The following SNX7 variants were observed in gnomAD, a reference collection of about 807,000 sequenced individuals.
The protein encoded by SNX7 is sorting nexin 7.
A neutral mutation model predicts 48.4 loss-of-function variants in SNX7; 35 were observed. That is an observed-to-expected ratio of 0.72 (90% CI 0.55 to 0.96). The LOEUF is 0.96. Ranked by LOEUF, SNX7 falls within the 40% of genes least tolerant of loss-of-function variation. The probability of loss-of-function intolerance (pLI) is 0.00; values close to 1 mark genes in which losing one functional copy is unlikely to be tolerated. For synonymous variants in SNX7, 190 were observed against 190.2 expected (o/e 1.00, Z 0.01); for missense variants, 553 against 548.9 (o/e 1.01, Z -0.07).
upstream of SNX7, chr1:98,661,680 G>T: frequency 8.4e-7 from 1 of 1,192,784 alleles, no homozygotes; most frequent in Non-Finnish European, 1.0e-6. Context: ...GCACGCTCGG[G>T]GGAGCCGGGC....
chr1:98,674,992 AT>A (rs1650081120), intron 1 of SNX7, among the ~76,000 whole-genome samples: 1 of 152,210 alleles, frequency 6.6e-6, no homozygotes, highest in South Asian at 2.1e-4. Context: ...TTATTATGCT[AT>A]AATCTGTTGA....
intron 1 of SNX7, among the ~76,000 whole-genome samples, chr1:98,678,203 G>C (rs1650281742): frequency 6.6e-6 from 1 of 152,190 alleles, no homozygotes; most frequent in Admixed American, 6.5e-5. Context: ...CGGCCAGCAT[G>C]TCATGTGGCC....
At chr1:98,724,337 AT>A (rs1481330515) in intron 7 of SNX7, among the ~76,000 whole-genome samples, 1 of 151,990 alleles carries the variant, frequency 6.6e-6, no homozygotes, top group Admixed American at 6.6e-5. Context: ...ACATTTCTGA[AT>A]AAGAATGATT....
intron 6 of SNX7, among the ~76,000 whole-genome samples, chr1:98,699,987 C>A (rs1427793130): frequency 6.6e-6 from 1 of 152,134 alleles, no homozygotes; most frequent in African/African-American, 2.4e-5. Context: ...TTGGGGTCAC[C>A]CCCTTGTGTC....
At chr1:98,725,367 G>A (rs960005036) in intron 7 of SNX7, among the ~76,000 whole-genome samples, 1 of 152,104 alleles carries the variant, frequency 6.6e-6, no homozygotes, top group African/African-American at 2.4e-5. Flanking sequence ...TATCCGGATT[G>A]GAAGGACTTT....
At chr1:98,680,873 T>G (rs1379822222) in intron 1 of SNX7, among the ~76,000 whole-genome samples, 1 of 152,224 alleles carries the variant, frequency 6.6e-6, no homozygotes, top group African/African-American at 2.4e-5. Flanking sequence ...CATTTTCCTG[T>G]CTTCATCTGA....
intron 8 of SNX7, among the ~76,000 whole-genome samples, chr1:98,756,035 G>T (rs987967589): frequency 1.4e-5 from 1 of 70,370 alleles, no homozygotes; most frequent in African/African-American, 3.6e-5. Flanking sequence ...AATTTTACAT[G>T]ATTTCATTTT....
rs1451549402 is a variant in SNX7, at chr1:98,691,121, G to A, written c.410G>A (p.Arg137Gln). 3.7e-6 allele frequency: 6 copies of A among 1,608,846 alleles called. No individual in the cohort carries two copies. The highest frequency in any genetic ancestry group is 4.2e-6 in the Non-Finnish European group (5 of 1,177,152). ...TCCAGTGAATTTGAAGTTAGGAGAC[G>A]ATATCAAGATTTCCTTTGGTTGAAG... The part of the protein sequence containing the change: ...FDSSEFEVRR[R>Q]YQDFLWLKGK... The change falls in exon 3 of 9, where the codon CGA becomes CAA. Residue 137 changes from arginine (R) to glutamine (Q), a missense_variant. Transcript: ENST00000306121.
At position 98,685,021 on chromosome 1, in the gene SNX7, A is replaced by T. The variant is rs1650713386; in HGVS notation, c.317A>T (p.His106Leu). The change falls in exon 2 of 9, where the codon CAT (histidine) becomes CTT (leucine). Residue 106 changes from histidine to leucine, a missense_variant. By Grantham distance (99) the His-to-Leu change is moderately conservative. Transcript: ENST00000306121. ...ATCACAGTTGATGAACCTGAAAGTC[A>T]TGTTACTACAATAGAAACTTTCATT... ...LFITVDEPES[H>L]VTTIETFITY... is the part of the protein sequence containing the mutation. The T allele has an allele frequency of 3.2e-6, 5 of 1,582,686 alleles. No homozygotes were observed. In the East Asian group the frequency reaches 1.1e-4, roughly 36 times the overall value.
intron 7 of SNX7, among the ~76,000 whole-genome samples, chr1:98,727,447 A>G (rs1653239904): frequency 6.6e-6 from 1 of 152,080 alleles, no homozygotes; most frequent in African/African-American, 2.4e-5. Context: ...TGAAAACTAA[A>G]AAAGCCAGTG....
intron 4 of SNX7, among the ~76,000 whole-genome samples, chr1:98,693,414 C>T (rs1297931333): frequency 2.6e-5 from 4 of 152,104 alleles, no homozygotes; most frequent in African/African-American, 9.7e-5. Context: ...TCAGTTGTTG[C>T]CAGTGGTAGA....
chr1:98,682,221 C>T (rs980154576), intron 1 of SNX7, among the ~76,000 whole-genome samples: 8 of 151,856 alleles, frequency 5.3e-5, no homozygotes, highest in East Asian at 3.9e-4. Context: ...CTTCATCCCT[C>T]GCTTCCTTTA....
intron 8 of SNX7, among the ~76,000 whole-genome samples, chr1:98,748,095 G>T (rs1654394778): frequency 6.6e-6 from 1 of 151,016 alleles, no homozygotes; most frequent in African/African-American, 2.4e-5. Flanking sequence ...TCCTGCCTCA[G>T]CCTCCTAAGT....
chr1:98,737,755 A>G (rs1403259949), intron 7 of SNX7, among the ~76,000 whole-genome samples: 2 of 152,076 alleles, frequency 1.3e-5, no homozygotes, highest in African/African-American at 4.8e-5. Context: ...TCCAGGTGGG[A>G]CTACAGAGTA....
chr1:98,735,892 G>T (rs1653751980), intron 7 of SNX7, among the ~76,000 whole-genome samples: 1 of 152,106 alleles, frequency 6.6e-6, no homozygotes, highest in Non-Finnish European at 1.5e-5. Context: ...TAATCCCAAT[G>T]CTGTACTGAT....
intron 1 of SNX7, among the ~76,000 whole-genome samples, chr1:98,682,857 C>A (rs1011372240): frequency 6.6e-6 from 1 of 152,092 alleles, no homozygotes; most frequent in African/African-American, 2.4e-5. Flanking sequence ...TCTGGAATTC[C>A]TTTTATTCAG....
chr1:98,664,478 A>C (rs1333905270), intron 1 of SNX7, among the ~76,000 whole-genome samples: 2 of 152,174 alleles, frequency 1.3e-5, no homozygotes, highest in Non-Finnish European at 2.9e-5. Context: ...CAGTGGGCTG[A>C]GAGATCACGC....
At chr1:98,691,347 T>TA (rs1651112760) in intron 3 of SNX7, among the ~76,000 whole-genome samples, 162 bp downstream of exon 3, 2 of 151,890 alleles carry the variant, frequency 1.3e-5, no homozygotes, top group Admixed American at 6.6e-5. Flanking sequence ...CATTTTTTTT[T>TA]TAAAAAAAAC....
At chr1:98,736,099 C>A (rs1199234496) in intron 7 of SNX7, among the ~76,000 whole-genome samples, 1 of 152,144 alleles carries the variant, frequency 6.6e-6, no homozygotes, top group Non-Finnish European at 1.5e-5. Context: ...TCCTTTCTGG[C>A]AGTGACACCA....
Sources: gnomAD v4.1 joint callset for allele counts (sites outside exome capture counted in the v4.1 genomes callset) on GRCh38, gnomAD v4.1.1 for gene constraint, MANE v1.5 for transcripts, NCBI Gene and HGNC (gene_info 2026-07-23, HGNC 2026-07-21) for gene names.